HS3ST5: variants seen among roughly 807,000 people sequenced by gnomAD.
HS3ST5 encodes heparan sulfate glucosamine 3-O-sulfotransferase 5.
HS3ST5 carries 10 observed loss-of-function variants against 25.4 expected under a neutral mutation model. That is an observed-to-expected ratio of 0.39 (90% confidence interval 0.24 to 0.67). HS3ST5 has a LOEUF of 0.67. HS3ST5 is among the 30% of genes least tolerant of loss of function. The probability of loss-of-function intolerance (pLI) is 0.44; values close to 1 mark genes in which losing one functional copy is unlikely to be tolerated. For missense variants in HS3ST5, 324 were observed against 420.7 expected (o/e 0.77, Z 2.01); for synonymous variants, 170 against 162.4 (o/e 1.05, Z -0.36).
chr6:114,195,957 G>T (rs971072431), intron 2 of HS3ST5, among the ~76,000 whole-genome samples: 1 of 152,088 alleles, frequency 6.6e-6, no homozygotes, highest in Non-Finnish European at 1.5e-5. Flanking sequence ...CAAGCTAAGG[G>T]CCTGTATGCA....
chr6:114,195,245 G>A (rs976227330), intron 2 of HS3ST5, among the ~76,000 whole-genome samples: 1 of 152,134 alleles, frequency 6.6e-6, no homozygotes, highest in African/African-American at 2.4e-5. Flanking sequence ...TCTAGGTCAG[G>A]CCATCTGAGA....
intron 1 of HS3ST5, among the ~76,000 whole-genome samples, chr6:114,332,686 A>G (rs1582822541): frequency 6.6e-6 from 1 of 152,106 alleles, no homozygotes; most frequent in Admixed American, 6.6e-5. Context: ...CATTAACTCA[A>G]TAGAGTATGA....
intron 2 of HS3ST5, among the ~76,000 whole-genome samples, chr6:114,217,425 A>G (rs989809156): frequency 1.3e-5 from 2 of 152,188 alleles, no homozygotes; most frequent in Non-Finnish European, 2.9e-5. Context: ...TACTATTCAT[A>G]TATAGTTATA....
chr6:114,109,240 A>C (rs927910406), intron 3 of HS3ST5, among the ~76,000 whole-genome samples: 4 of 151,244 alleles, frequency 2.6e-5, no homozygotes, highest in Non-Finnish European at 5.9e-5. Context: ...TAAAGGTTTA[A>C]GCGGAAGGTG....
intron 3 of HS3ST5, among the ~76,000 whole-genome samples, chr6:114,125,813 G>A (rs563545490): frequency 1.3e-5 from 2 of 152,250 alleles, no homozygotes; most frequent in Admixed American, 6.5e-5. Context: ...TTGTCAACAC[G>A]TGATAGCCCA....
intron 1 of HS3ST5, among the ~76,000 whole-genome samples, chr6:114,266,528 A>G (rs1346915554): frequency 1.3e-5 from 2 of 152,192 alleles, no homozygotes; most frequent in Non-Finnish European, 2.9e-5. Context: ...ACAATTGCTG[A>G]TTGTCACTTT....
At chr6:114,123,575 A>C (rs1278955714) in intron 3 of HS3ST5, among the ~76,000 whole-genome samples, 1 of 152,148 alleles carries the variant, frequency 6.6e-6, no homozygotes. Context: ...TTCCTAACAT[A>C]AGGTCTCCTT....
At chr6:114,173,874 A>G (rs1299716415) in intron 2 of HS3ST5, among the ~76,000 whole-genome samples, 4 of 152,072 alleles carry the variant, frequency 2.6e-5, no homozygotes, top group Admixed American at 6.5e-5. Flanking sequence ...AAACAAAACA[A>G]AAACAAAAAC....
chr6:114,063,346 C>G (rs1773247320), intron 3 of HS3ST5, among the ~76,000 whole-genome samples: 1 of 152,064 alleles, frequency 6.6e-6, no homozygotes, highest in South Asian at 2.1e-4. Context: ...GAAACCTCGT[C>G]TCTACTAAAA....
chr6:114,217,154 AG>A (rs1781809220), intron 2 of HS3ST5, among the ~76,000 whole-genome samples: 1 of 152,224 alleles, frequency 6.6e-6, no homozygotes, highest in Non-Finnish European at 1.5e-5. Context: ...AAACATTTCC[AG>A]GCAATGTTTT....
At chr6:114,299,428 G>A (rs1774976511) in intron 1 of HS3ST5, among the ~76,000 whole-genome samples, 1 of 152,092 alleles carries the variant, frequency 6.6e-6, no homozygotes, top group Non-Finnish European at 1.5e-5. Flanking sequence ...CTATTACCTT[G>A]TGAAGTATGT....
At chr6:114,298,645 C>A (rs1774932326) in intron 1 of HS3ST5, among the ~76,000 whole-genome samples, 1 of 152,218 alleles carries the variant, frequency 6.6e-6, no homozygotes. Context: ...AAGGCAGGGA[C>A]CCCGAATGGG....
chr6:114,182,300 T>C (rs1780010752), intron 2 of HS3ST5, among the ~76,000 whole-genome samples: 4 of 152,252 alleles, frequency 2.6e-5, no homozygotes, highest in South Asian at 2.1e-4. Flanking sequence ...AATCATTTTT[T>C]GCAATGTTTT....
intron 2 of HS3ST5, among the ~76,000 whole-genome samples, chr6:114,204,234 G>C (rs916818117): frequency 6.6e-6 from 1 of 152,262 alleles, no homozygotes; most frequent in East Asian, 1.9e-4. Context: ...AGGCAGATAA[G>C]GGCTTTGGGA....
In HS3ST5 at chr6:114,193,404, T is replaced by C. The variant is rs148840318; in HGVS notation, c.-144-24942A>G. Reference sequence around the variant, plus strand: ...TGGACCTGGTGAGTAAAGTTTATTATTGATAAAGAGAAAACCTCGCAGAAC... The same window carrying C: ...TGGACCTGGTGAGTAAAGTTTATTACTGATAAAGAGAAAACCTCGCAGAAC... On this transcript the variant is annotated intron_variant, in intron 2 of 4. Transcript: ENST00000312719. Among the ~76,000 whole-genome samples, 450 of 152,332 alleles carry C rather than the reference T, an allele frequency of 3.0e-3. 2 individuals carry two copies. Among genetic ancestry groups the C allele is most frequent in the African/African-American group, 0.01 (433 of 41,574 alleles).
intron 1 of HS3ST5, among the ~76,000 whole-genome samples, chr6:114,283,465 A>T (rs913622291): frequency 6.6e-6 from 1 of 152,020 alleles, no homozygotes; most frequent in Admixed American, 6.6e-5. Flanking sequence ...TTTCAAAATT[A>T]TAAAGTAATA....
rs1772828733 is a variant in HS3ST5, at chr6:114,057,397, AGAT to A, written c.898_900del (p.Ile300del). ...TTGCTGCCCGCCAGGCACTTATTAA[AGAT>A]AATATTAAACCGCAAGCAGTAAAAC... On this transcript the variant is annotated inframe_deletion, in exon 5 of 5. Transcript: ENST00000312719. The A allele has an allele frequency of 6.2e-7, 1 of 1,614,050 alleles. No individual in the cohort carries two copies. The highest frequency in any genetic ancestry group is 1.3e-5 in the African/African-American group (1 of 74,928).
intron 1 of HS3ST5, among the ~76,000 whole-genome samples, chr6:114,320,197 A>T (rs1264950599): frequency 1.3e-5 from 2 of 152,088 alleles, no homozygotes; most frequent in African/African-American, 2.4e-5. Flanking sequence ...TATTTATTAC[A>T]TCCATTTTTC....
At chr6:114,276,519 A>G (rs1309404622) in intron 1 of HS3ST5, among the ~76,000 whole-genome samples, 1 of 151,882 alleles carries the variant, frequency 6.6e-6, no homozygotes, top group Non-Finnish European at 1.5e-5. Context: ...TTAAAAAGCA[A>G]AAAGCATTTT....
Sources: allele counts gnomAD v4.1 joint callset (sites outside exome capture counted in the v4.1 genomes callset), GRCh38; gene constraint gnomAD v4.1.1; transcripts MANE v1.5; gene names NCBI Gene and HGNC (gene_info 2026-07-23, HGNC 2026-07-21).